The following SRGAP1 variants were observed in gnomAD, a reference collection of about 807,000 sequenced individuals.
SRGAP1 encodes SLIT-ROBO Rho GTPase-activating protein 1.
SRGAP1 carries 43 observed loss-of-function variants against 121.9 expected under a neutral mutation model. The observed-to-expected ratio is 0.35, with a 90% confidence interval of 0.28 to 0.46. The LOEUF (loss-of-function observed/expected upper bound fraction) is 0.46. Among genes scored for constraint, SRGAP1 ranks in the 20% least tolerant of loss-of-function variants. The pLI, the probability that SRGAP1 is intolerant of heterozygous loss-of-function variation, is 1.00. For synonymous variants in SRGAP1, 447 were observed against 485.4 expected, an observed-to-expected ratio of 0.92 and a Z score of 1.04; for missense variants, 1,102 against 1,350.9, an observed-to-expected ratio of 0.82 and a Z score of 2.89.
intron 1 of SRGAP1, among the ~76,000 whole-genome samples, chr12:63,860,066 C>T (rs546444594): frequency 2.4e-4 from 37 of 152,230 alleles, no homozygotes; most frequent in South Asian, 6.2e-4. Context: ...AGTGCAGTGG[C>T]GTGATCTTGG....
At chr12:63,911,932 T>G (rs1260661650) in intron 1 of SRGAP1, among the ~76,000 whole-genome samples, 1 of 152,186 alleles carries the variant, frequency 6.6e-6, no homozygotes, top group East Asian at 1.9e-4. Context: ...AGGCCTATAA[T>G]TAGCTCTATT....
intron 3 of SRGAP1, among the ~76,000 whole-genome samples, chr12:64,006,892 T>G (rs2034102037): frequency 6.6e-6 from 1 of 152,332 alleles, no homozygotes; most frequent in Non-Finnish European, 1.5e-5. Flanking sequence ...CAGTCCATCC[T>G]ATTCAGATTT....
rs150600750 is a variant in SRGAP1, at chr12:63,929,803, T to C, written c.68-54144T>C. On this transcript the variant is annotated intron_variant, in intron 1 of 21. Transcript: ENST00000355086. ...ATTGTGTAGTTAGCTAAACTATAAT[T>C]CAAAACAAAGTTCAAAACATTTTTT... 4.9e-3 allele frequency among the ~76,000 whole-genome samples: 742 copies of C among 152,300 alleles called. 3 individuals carry two copies. Among genetic ancestry groups the C allele is most frequent in the Non-Finnish European group, 7.8e-3 (534 of 68,026 alleles).
At chr12:64,068,488 CCG>C (rs2035582457) in intron 8 of SRGAP1, among the ~76,000 whole-genome samples, 1 of 150,122 alleles carries the variant, frequency 6.7e-6, no homozygotes, top group East Asian at 2.1e-4. Context: ...GTGTTAACCA[CCG>C]TGCCCGGCTG....
At chr12:63,870,118 G>A (rs111878207) in intron 1 of SRGAP1, among the ~76,000 whole-genome samples, 1,755 of 152,292 alleles carry the variant, frequency 0.012, 15 homozygotes, top group Admixed American at 0.019. Flanking sequence ...TAGGAAGAAT[G>A]ATTGCCATCT....
chr12:64,149,448 C>G lies in SRGAP1; in HGVS notation c.*6776C>G, dbSNP rs2037095420. 6.6e-6 allele frequency: 1 copy of G among 152,184 alleles called. No individual in the cohort carries two copies. Among genetic ancestry groups the G allele is most frequent in the African/African-American group, 2.4e-5 (1 of 41,438 alleles). 9.4% of individuals were successfully genotyped at this position (152,184 alleles called of 1,614,324 possible). The stretch of plus-strand genomic sequence containing the variant: ...AGAGTTGGATTTAGAGGCTAGCCCA[C>G]CAGGAACAAATGCCCAAATCAGTCT... On this transcript the variant is annotated 3_prime_UTR_variant, in exon 22 of 22. Transcript: ENST00000355086.
intron 6 of SRGAP1, among the ~76,000 whole-genome samples, chr12:64,046,522 A>G (rs2035133512): frequency 6.6e-6 from 1 of 152,166 alleles, no homozygotes; most frequent in African/African-American, 2.4e-5. Flanking sequence ...ATCAAAACAG[A>G]TTGAAGCTAG....
intron 1 of SRGAP1, among the ~76,000 whole-genome samples, chr12:63,966,539 CAGCTGTT>C (rs146273998): frequency 0.014 from 2,107 of 152,284 alleles, 46 homozygotes; most frequent in African/African-American, 0.049. Flanking sequence ...CAAGTTTTCT[CAGCTGTT>C]AGCTATAATA....
intron 8 of SRGAP1, among the ~76,000 whole-genome samples, chr12:64,076,934 C>T (rs192204389): frequency 6.6e-5 from 10 of 152,220 alleles, no homozygotes; most frequent in Admixed American, 2.0e-4. Context: ...TGAGTCACCA[C>T]GCCCCGCTCA....
intron 1 of SRGAP1, among the ~76,000 whole-genome samples, chr12:63,849,627 C>T (rs1446530730): frequency 2.6e-5 from 4 of 152,120 alleles, no homozygotes; most frequent in African/African-American, 9.7e-5. Context: ...TTGGTATGGC[C>T]CTGCATCATG....
chr12:63,889,740 T>G (rs972548845), intron 1 of SRGAP1, among the ~76,000 whole-genome samples: 5 of 151,988 alleles, frequency 3.3e-5, no homozygotes, highest in African/African-American at 1.2e-4. Flanking sequence ...AAACCCTGTC[T>G]CTACTAAGAA....
intron 1 of SRGAP1, among the ~76,000 whole-genome samples, chr12:63,864,971 A>T (rs1899574609): frequency 6.6e-6 from 1 of 152,152 alleles, no homozygotes; most frequent in Non-Finnish European, 1.5e-5. Context: ...TAAGGCAGAA[A>T]ATGGAAGTTC....
chr12:64,081,704 AAAG>A (rs1325704488), intron 10 of SRGAP1: 7 of 151,960 alleles, frequency 4.6e-5, no homozygotes, highest in African/African-American at 7.2e-5. Context: ...TTGTGATTAT[AAAG>A]AAGAACATTC....
chr12:64,105,467 A>G (rs2036329134), intron 15 of SRGAP1, among the ~76,000 whole-genome samples: 1 of 152,180 alleles, frequency 6.6e-6, no homozygotes, highest in Admixed American at 6.5e-5. Context: ...AGAGATAGAA[A>G]CAAGAAGATC....
At position 64,024,858 on chromosome 12, in the gene SRGAP1, A is replaced by G. The variant is rs558509981; in HGVS notation, c.489+7846A>G. 1.6e-3 allele frequency among the ~76,000 whole-genome samples: 239 copies of G among 152,282 alleles called. 1 individual carries two copies. The highest frequency in any genetic ancestry group is 5.2e-3 in the African/African-American group (215 of 41,570). On this transcript the variant is annotated intron_variant, in intron 4 of 21. Coordinates refer to ENST00000355086, the MANE Select transcript of SRGAP1 (RefSeq NM_020762.4). ...CAGATCTCCTGAGAACTCACTCACTATCATGAGAACAGCATGGGGGAAACC... is the reference window on the plus strand; with the variant it reads ...CAGATCTCCTGAGAACTCACTCACTGTCATGAGAACAGCATGGGGGAAACC...
intron 1 of SRGAP1, among the ~76,000 whole-genome samples, chr12:63,868,216 G>T (rs1437484477): frequency 1.3e-5 from 2 of 150,416 alleles, no homozygotes; most frequent in Non-Finnish European, 3.0e-5. Context: ...CAAGCAGCTG[G>T]GATTACAGGT....
chr12:63,957,150 G>A (rs139525637), intron 1 of SRGAP1, among the ~76,000 whole-genome samples: 1 of 152,016 alleles, frequency 6.6e-6, no homozygotes, highest in Admixed American at 6.6e-5. Flanking sequence ...TTACTTTTTG[G>A]TTATATGAAT....
chr12:63,876,315 T>C (rs1900027216), intron 1 of SRGAP1, among the ~76,000 whole-genome samples: 1 of 152,274 alleles, frequency 6.6e-6, no homozygotes, highest in African/African-American at 2.4e-5. Flanking sequence ...AGTATTGAAA[T>C]ATCATAGGAT....
Position 64,028,535 on chromosome 12 carries a change from G to C in SRGAP1, c.489+11523G>C, listed in dbSNP as rs2034702767. Among the ~76,000 whole-genome samples the C allele has an allele frequency of 3.3e-5, 5 of 152,302 alleles. No homozygotes were observed. The South Asian group carries it at 1.0e-3, about 32-fold the overall frequency. ...TGCTATAACAAAATACCACAAACTGGGTGGCTTATAAACAACAGAAACTTA... is the reference window on the plus strand; with the variant it reads ...TGCTATAACAAAATACCACAAACTGCGTGGCTTATAAACAACAGAAACTTA... On this transcript the variant is annotated intron_variant, in intron 4 of 21. Coordinates refer to ENST00000355086, the MANE Select transcript of SRGAP1 (RefSeq NM_020762.4).
Sources: allele counts gnomAD v4.1 joint callset (sites outside exome capture counted in the v4.1 genomes callset), GRCh38; gene constraint gnomAD v4.1.1; transcripts MANE v1.5; gene names NCBI Gene and HGNC (gene_info 2026-07-23, HGNC 2026-07-21).